SDF2: variants seen among roughly 807,000 people sequenced by gnomAD.
SDF2 encodes the protein stromal cell derived factor 2.
A neutral mutation model predicts 20.5 loss-of-function variants in SDF2; 12 were observed. The ratio of observed to expected loss-of-function variants is 0.58; its 90% CI spans 0.37 to 0.95. SDF2 has a LOEUF of 0.95. Ranked by LOEUF, SDF2 falls within the 40% of genes least tolerant of loss-of-function variation. SDF2 has a pLI of 0.01. For synonymous variants in SDF2, 100 were observed against 101.0 expected, an observed-to-expected ratio of 0.99 and a Z score of 0.06; for missense variants, 238 against 263.1, an observed-to-expected ratio of 0.90 and a Z score of 0.66.
rs753371899 is a variant in SDF2, at chr17:28,649,295, A to C, written c.349-19T>G. On this transcript the variant is annotated intron_variant, in intron 2 of 2. Transcript: ENST00000247020. The stretch of plus-strand genomic sequence containing the variant: ...TCACTTCCTAGAAAATACAGAAGGT[A>C]GTAACATCAGCATGGCTGACAAGGG... 2.5e-6 allele frequency: 4 copies of C among 1,609,890 alleles called. No individual in the cohort carries two copies. Among genetic ancestry groups the C allele is most frequent in the Non-Finnish European group, 3.4e-6 (4 of 1,178,232 alleles).
rs1484689170 is a variant in SDF2, at chr17:28,648,389, T to C, written c.*600A>G. The C allele has an allele frequency of 6.5e-6, 1 of 153,270 alleles. No homozygotes were observed. Among genetic ancestry groups the C allele is most frequent in the African/African-American group, 2.4e-5 (1 of 41,428 alleles). The allele number at this position is 153,270 out of a possible 1,614,324, so 9.5% of individuals were successfully genotyped here. ...TATTATGCTGTATTCTCTGAGAGTT[T>C]TTAGCTATAATTAGTCAAAGATCTA... On this transcript the variant is annotated 3_prime_UTR_variant, in exon 3 of 3. Transcript: ENST00000247020.
intron 1 of SDF2, among the ~76,000 whole-genome samples, chr17:28,658,745 T>C (rs1008397868): frequency 1.3e-5 from 2 of 152,236 alleles, no homozygotes; most frequent in African/African-American, 4.8e-5. Flanking sequence ...ATCGTCATCA[T>C]GGCCCATTCT....
At position 28,648,892 on chromosome 17, in the gene SDF2, G is replaced by T; in HGVS notation, c.*97C>A. Reference sequence around the variant, plus strand: ...ATATCTTCATCTCAATGGTGACATGGCCACTGCCCAAGGAACTTGTGGCAG... The same window carrying T: ...ATATCTTCATCTCAATGGTGACATGTCCACTGCCCAAGGAACTTGTGGCAG... On this transcript the variant is annotated 3_prime_UTR_variant, in exon 3 of 3. Coordinates refer to ENST00000247020, the MANE Select transcript of SDF2 (RefSeq NM_006923.4). 8.1e-7 allele frequency: 1 copy of T among 1,230,026 alleles called. No homozygotes were observed. Among genetic ancestry groups the T allele is most frequent in the Non-Finnish European group, 1.2e-6 (1 of 856,808 alleles). 76.2% of individuals were successfully genotyped at this position (1,230,026 alleles called of 1,614,324 possible).
intron 1 of SDF2, chr17:28,655,692 C>A: frequency 5.0e-6 from 3 of 605,334 alleles, no homozygotes; most frequent in East Asian, 2.8e-5. Context: ...GCAGGTGGAA[C>A]CTGCAAAGCT....
At position 28,661,731 on chromosome 17, in the gene SDF2, C is replaced by T. The variant is rs772588811; in HGVS notation, c.146G>A (p.Gly49Glu). 6.2e-7 allele frequency: 1 copy of T among 1,613,300 alleles called. No homozygotes were observed. Among genetic ancestry groups the T allele is most frequent in the Non-Finnish European group, 8.5e-7 (1 of 1,179,474 alleles). ...AGCCCGGTCCCCAGCATTACCTGAC[C>T]CATAGCGCACGTCGTGTGAGTGCAG... ...VRLHSHDVRY[G>E]SGSGQQSVTG... The change falls in exon 1 of 3, where the codon GGG (glycine) becomes GAG (glutamate). Residue 49 changes from glycine (G) to glutamate (E), a missense_variant. Coordinates refer to ENST00000247020, the MANE Select transcript of SDF2 (RefSeq NM_006923.4).
rs2072015282 is a variant in SDF2 at position 28,660,398 on chromosome 17, A to C, written c.151+1328T>G. 2.0e-5 allele frequency: 3 copies of C among 152,252 alleles called. No individual in the cohort carries two copies. The South Asian group carries it at 6.2e-4, about 31-fold the overall frequency. 9.4% of individuals were successfully genotyped at this position (152,252 alleles called of 1,614,324 possible). ...CAGTTCATTCTGGGCAATTTCATCT[A>C]CAACCCTGACATCTTCAACCACAGT... On this transcript the variant is annotated intron_variant, in intron 1 of 2. Transcript: ENST00000247020.
At chr17:28,660,239 G>A (rs562379377) in intron 1 of SDF2, among the ~76,000 whole-genome samples, 8 of 152,372 alleles carry the variant, frequency 5.3e-5, no homozygotes, top group Admixed American at 4.6e-4. Context: ...ACCGTGGAAA[G>A]AGAGAAGAGA....
At chr17:28,657,168 A>G (rs2071970716) in intron 1 of SDF2, among the ~76,000 whole-genome samples, 1 of 151,844 alleles carries the variant, frequency 6.6e-6, no homozygotes, top group Non-Finnish European at 1.5e-5. Flanking sequence ...CGGAGGTTGC[A>G]GTGAGCCGAG....
intron 2 of SDF2, 112 bp from the exon 3 acceptor site, chr17:28,649,388 C>T (rs2071893143): frequency 1.0e-6 from 1 of 981,594 alleles, no homozygotes; most frequent in African/African-American, 1.6e-5. Flanking sequence ...TCAGAGGGGC[C>T]AGGCTTATGC....
chr17:28,656,344 T>C (rs1161317507), intron 1 of SDF2: 1 of 151,916 alleles, frequency 6.6e-6, no homozygotes, highest in Non-Finnish European at 1.5e-5. Flanking sequence ...CTAGCACTTT[T>C]TGGGAGGCTG....
In SDF2 at chr17:28,649,112, A is replaced by T; in HGVS notation, c.513T>A (p.Ser171Arg). 6.2e-7 allele frequency: 1 copy of T among 1,614,212 alleles called. No homozygotes were observed. Among genetic ancestry groups the T allele is most frequent in the Non-Finnish European group, 8.5e-7 (1 of 1,180,046 alleles). ...VTGEQYGRPI[S>R]GQKEVHGMAQ... Reference sequence around the variant, plus strand: ...CCATGCCATGCACCTCTTTTTGCCCACTGATAGGTCGACCATATTGTTCTC... The same window carrying T: ...CCATGCCATGCACCTCTTTTTGCCCTCTGATAGGTCGACCATATTGTTCTC... Residue 171 changes from serine (S) to arginine (R), a missense_variant, in exon 3 of 3, where the codon AGT (serine) becomes AGA (arginine). By Grantham distance (110) the Ser-to-Arg change is moderately radical. Transcript: ENST00000247020.
At chr17:28,649,407 C>T in intron 2 of SDF2, 131 bp from the exon 3 acceptor site, 1 of 825,434 alleles carries the variant, frequency 1.2e-6, no homozygotes, top group South Asian at 1.7e-5. Flanking sequence ...GCCTGTAATC[C>T]TACCACTTTG....
intron 1 of SDF2, chr17:28,660,510 C>G (rs1190913725): frequency 2.0e-5 from 3 of 152,412 alleles, no homozygotes; most frequent in Non-Finnish European, 4.4e-5. Flanking sequence ...GTTCCCAAAT[C>G]TGGCTGTCCA....
chr17:28,654,089 T>C (rs1276678520), intron 2 of SDF2, among the ~76,000 whole-genome samples: 1 of 151,990 alleles, frequency 6.6e-6, no homozygotes, highest in Non-Finnish European at 1.5e-5. Flanking sequence ...GGCAGGCAGA[T>C]AGCTTGAGCT....
rs138916606 is a variant in SDF2 at position 28,652,186 on chromosome 17, AAAAAAG to A, written c.349-2916_349-2911del. On this transcript the variant is annotated intron_variant, in intron 2 of 2. Transcript: ENST00000247020. ...AACACAGCAAGAACCCATCTTAAAA[AAAAAAG>A]AAAAAGAAAAAGAAAGCTCATTTAA... 4.8e-4 allele frequency among the ~76,000 whole-genome samples: 73 copies of A among 152,300 alleles called. 1 individual carries two copies. Among genetic ancestry groups the A allele is most frequent in the African/African-American group, 1.3e-3 (52 of 41,558 alleles).
At chr17:28,654,028 A>T (rs1360375164) in intron 2 of SDF2, among the ~76,000 whole-genome samples, 1 of 152,146 alleles carries the variant, frequency 6.6e-6, no homozygotes, top group African/African-American at 2.4e-5. Flanking sequence ...CAGTGGCACA[A>T]GGCTGGGTGT....
At chr17:28,655,903 T>C (rs2071958089) in intron 1 of SDF2, 1 of 171,486 alleles carries the variant, frequency 5.8e-6, no homozygotes, top group Non-Finnish European at 1.2e-5. Context: ...AAGTGGTTGG[T>C]TGCAGTTGTG....
intron 1 of SDF2, among the ~76,000 whole-genome samples, chr17:28,658,999 C>T (rs1452489639): frequency 6.7e-6 from 1 of 149,204 alleles, no homozygotes; most frequent in East Asian, 2.0e-4. Context: ...GACAGAGGCG[C>T]TCCTCCCCTC....
intron 1 of SDF2, among the ~76,000 whole-genome samples, chr17:28,659,574 C>T (rs1238525091): frequency 6.7e-6 from 1 of 150,234 alleles, no homozygotes; most frequent in African/African-American, 2.5e-5. Flanking sequence ...GATGGCGCGG[C>T]CGGGCAGAGG....
Sources: allele counts gnomAD v4.1 joint callset (sites outside exome capture counted in the v4.1 genomes callset), GRCh38; gene constraint gnomAD v4.1.1; transcripts MANE v1.5; gene names NCBI Gene and HGNC (gene_info 2026-07-23, HGNC 2026-07-21).